Variants in CSMD3 observed in about 807,000 individuals in gnomAD.
The protein encoded by CSMD3 is CUB and Sushi multiple domains 3, also known as CUB and sushi domain-containing protein 3.
Under a neutral mutation model 435.2 loss-of-function variants are expected in CSMD3, and 177 were observed. That is an observed-to-expected ratio of 0.41 (90% CI 0.36 to 0.46). The LOEUF is 0.46. Among genes scored for constraint, CSMD3 ranks in the 20% least tolerant of loss-of-function variants. CSMD3 has a pLI of 0.34. For missense variants in CSMD3, 4,265 were observed against 4,504.6 expected, an observed-to-expected ratio of 0.95 and a Z score of 1.52; for synonymous variants, 1,656 against 1,520.5, an observed-to-expected ratio of 1.09 and a Z score of -2.07.
At chr8:113,053,078 T>C (rs544817283) in intron 5 of CSMD3, among the ~76,000 whole-genome samples, 1 of 152,230 alleles carries the variant, frequency 6.6e-6, no homozygotes, top group South Asian at 2.1e-4. Context: ...TGCCAACAAA[T>C]AGGCTTCCCC....
rs550937675 is a variant in CSMD3, at chr8:112,285,090, T to G, written c.9331+1974A>C. 5.0e-4 allele frequency among the ~76,000 whole-genome samples: 76 copies of G among 152,182 alleles called. 2 individuals are homozygous for G. In the South Asian group the frequency reaches 7.9e-3, roughly 16 times the overall value. ...GTGTAAGTGATTGGTATCAGCTTCA[T>G]TTATGAGAAAAATATTAATTCTATT... is the stretch of plus-strand genomic sequence containing the variant. On this transcript the variant is annotated intron_variant, in intron 58 of 70. Coordinates refer to ENST00000297405, the MANE Select transcript of CSMD3 (RefSeq NM_198123.2).
chr8:112,755,337 T>TAATAATAATAATAAC (rs1335664217), intron 13 of CSMD3, among the ~76,000 whole-genome samples: 1 of 114,828 alleles, frequency 8.7e-6, no homozygotes, highest in African/African-American at 4.0e-5. Context: ...TCTCAAATAA[T>TAATAATAATAATAAC]AATAATAATA....
At chr8:113,350,274 A>G (rs538782367) in intron 1 of CSMD3, among the ~76,000 whole-genome samples, 1 of 152,242 alleles carries the variant, frequency 6.6e-6, no homozygotes, top group South Asian at 2.1e-4. Flanking sequence ...ATTTGTGGAA[A>G]TAATTTCTTG....
intron 17 of CSMD3, among the ~76,000 whole-genome samples, chr8:112,661,978 G>A (rs919496889): frequency 2.6e-5 from 4 of 152,036 alleles, no homozygotes; most frequent in Admixed American, 1.3e-4. Context: ...AGGGAATGGG[G>A]AAATGAGGAC....
At chr8:112,455,468 G>C (rs2130633442) in intron 32 of CSMD3, among the ~76,000 whole-genome samples, 1 of 152,148 alleles carries the variant, frequency 6.6e-6, no homozygotes, top group South Asian at 2.1e-4. Context: ...ATTATGTTTA[G>C]TACCTGGCTG....
chr8:112,395,753 A>G (rs1471626817), intron 35 of CSMD3, among the ~76,000 whole-genome samples: 2 of 152,176 alleles, frequency 1.3e-5, no homozygotes, highest in Non-Finnish European at 2.9e-5. Flanking sequence ...CAGAGTCTAA[A>G]AGGGAGGAAA....
At chr8:112,923,384 G>T (rs985406188) in intron 9 of CSMD3, among the ~76,000 whole-genome samples, 3 of 152,068 alleles carry the variant, frequency 2.0e-5, no homozygotes, top group African/African-American at 7.2e-5. Context: ...CTGCTAATTT[G>T]CAGGATTAAT....
At chr8:112,859,671 TCA>T (rs1374213712) in intron 10 of CSMD3, among the ~76,000 whole-genome samples, 3 of 151,788 alleles carry the variant, frequency 2.0e-5, no homozygotes, top group African/African-American at 7.2e-5. Context: ...ACCCTAGGAC[TCA>T]CAATAGTGCA....
At chr8:112,259,095 A>G (rs1005412729) in intron 61 of CSMD3, among the ~76,000 whole-genome samples, 4 of 152,138 alleles carry the variant, frequency 2.6e-5, no homozygotes, top group Non-Finnish European at 4.4e-5. Flanking sequence ...ATTACTGGGT[A>G]TATACCCAAA....
intron 52 of CSMD3, among the ~76,000 whole-genome samples, chr8:112,303,307 C>T (rs1484716011): frequency 6.6e-6 from 1 of 152,142 alleles, no homozygotes; most frequent in African/African-American, 2.4e-5. Flanking sequence ...TATAATCTCA[C>T]CACTTTGGGA....
At chr8:112,297,919 A>C (rs1033693591) in intron 53 of CSMD3, among the ~76,000 whole-genome samples, 1 of 151,894 alleles carries the variant, frequency 6.6e-6, no homozygotes, top group African/African-American at 2.4e-5. Flanking sequence ...CCACAATTTC[A>C]AGACCAGCCT....
chr8:112,383,995 C>T (rs578249564), intron 36 of CSMD3, among the ~76,000 whole-genome samples: 1 of 152,252 alleles, frequency 6.6e-6, no homozygotes, highest in East Asian at 1.9e-4. Context: ...ATGTTCAAAA[C>T]AATCGGTGAA....
chr8:112,993,697 A>G (rs2085538265), intron 6 of CSMD3, among the ~76,000 whole-genome samples: 1 of 151,830 alleles, frequency 6.6e-6, no homozygotes, highest in Non-Finnish European at 1.5e-5. Flanking sequence ...CAATTTTAAA[A>G]GGAGCATAAT....
At chr8:113,339,425 G>A (rs146182502) in intron 1 of CSMD3, among the ~76,000 whole-genome samples, 304 of 152,026 alleles carry the variant, frequency 2.0e-3, no homozygotes, top group African/African-American at 6.2e-3. Flanking sequence ...TTTCATGGCT[G>A]TATTTCAGGT....
rs775633660 is a variant in CSMD3 at position 112,335,379 on chromosome 8, T to G, written c.7115A>C (p.Lys2372Thr). 6.2e-7 allele frequency: 1 copy of G among 1,613,986 alleles called. No individual in the cohort carries two copies. The highest frequency in any genetic ancestry group is 1.1e-5 in the South Asian group (1 of 91,076). ...ACTTGTTGTGAAATCACTGTGGAATTTGATTAGAATCTGATTTGAAGTACT... is the reference window on the plus strand; with the variant it reads ...ACTTGTTGTGAAATCACTGTGGAATGTGATTAGAATCTGATTTGAAGTACT... ...VYSTSNQILI[K>T]FHSDFTTSGF... Residue 2372 changes from lysine to threonine, a missense_variant, in exon 45 of 71, where the codon AAA (lysine) becomes ACA (threonine). By Grantham distance (78) the Lys-to-Thr change is moderately conservative. Coordinates refer to ENST00000297405, the MANE Select transcript of CSMD3 (RefSeq NM_198123.2).
At chr8:112,475,825 T>C (rs1818991465) in intron 31 of CSMD3, among the ~76,000 whole-genome samples, 1 of 152,182 alleles carries the variant, frequency 6.6e-6, no homozygotes, top group Non-Finnish European at 1.5e-5. Context: ...TCTTTCTGGC[T>C]CTTAACAACT....
chr8:112,374,781 T>G (rs1263368076), intron 38 of CSMD3, among the ~76,000 whole-genome samples: 2 of 152,176 alleles, frequency 1.3e-5, no homozygotes, highest in East Asian at 3.9e-4. Context: ...GGTTGCCACC[T>G]TGTGGTTTTT....
intron 6 of CSMD3, among the ~76,000 whole-genome samples, chr8:113,010,344 T>G (rs2086212611): frequency 6.6e-6 from 1 of 151,802 alleles, no homozygotes; most frequent in Non-Finnish European, 1.5e-5. Flanking sequence ...CCTGAAAGTT[T>G]GAACATTTAT....
chr8:113,383,654 T>A (rs1185529053), intron 1 of CSMD3, among the ~76,000 whole-genome samples: 1 of 152,112 alleles, frequency 6.6e-6, no homozygotes, highest in Non-Finnish European at 1.5e-5. Context: ...ATGCACTAAG[T>A]AGTGATTTTA....
Sources: gnomAD v4.1 joint callset for allele counts (sites outside exome capture counted in the v4.1 genomes callset) on GRCh38, gnomAD v4.1.1 for gene constraint, MANE v1.5 for transcripts, NCBI Gene and HGNC (gene_info 2026-07-23, HGNC 2026-07-21) for gene names.